Variants in MALRD1 observed in about 807,000 individuals in gnomAD.
MALRD1 encodes the protein MAM and LDL-receptor class A domain-containing protein 1.
In MALRD1, 247 loss-of-function variants were observed where a neutral mutation model predicts 242.1. The observed-to-expected ratio is 1.02, with a 90% confidence interval of 0.92 to 1.13. MALRD1 has a LOEUF of 1.13. Among genes scored for constraint, MALRD1 ranks in the 50% most tolerant of loss-of-function variants. The pLI is 0.00. For synonymous variants in MALRD1, 995 were observed against 866.6 expected, an observed-to-expected ratio of 1.15 and a Z score of -2.60; for missense variants, 2,989 against 2,533.1, an observed-to-expected ratio of 1.18 and a Z score of -3.86.
intron 29 of MALRD1, among the ~76,000 whole-genome samples, chr10:19,475,275 C>A (rs1257684731): frequency 6.6e-6 from 1 of 151,954 alleles, no homozygotes; most frequent in African/African-American, 2.4e-5. Context: ...ATTAGCCAGG[C>A]GTGGTGGTGG....
chr10:19,387,637 T>C lies in MALRD1; in HGVS notation c.4551T>C (p.Cys1517=). The C allele has an allele frequency of 6.4e-7, 1 of 1,550,402 alleles. No homozygotes were observed. Among genetic ancestry groups the C allele is most frequent in the Non-Finnish European group, 8.7e-7 (1 of 1,146,892 alleles). Reference sequence around the variant, plus strand: ...GAGATAATACTGATGAAAATGAGTGTGGTAGCTCCTGTACTTTTGAAAAAG... The same window carrying C: ...GAGATAATACTGATGAAAATGAGTGCGGTAGCTCCTGTACTTTTGAAAAAG... ...NCGDNTDENE[C]GSSCTFEKGW... is the part of the protein sequence containing the mutation. Residue 1517 remains cysteine, a synonymous_variant, in exon 27 of 40, where the codon TGT becomes TGC. Coordinates refer to ENST00000454679, the MANE Select transcript of MALRD1 (RefSeq NM_001142308.3).
At chr10:19,614,995 C>G (rs544880877) in intron 35 of MALRD1, among the ~76,000 whole-genome samples, 2 of 152,062 alleles carry the variant, frequency 1.3e-5, no homozygotes, top group Non-Finnish European at 2.9e-5. Flanking sequence ...GATACCCAAT[C>G]CAGGGGAGAA....
chr10:19,286,863 A>G (rs1162406298), intron 21 of MALRD1, among the ~76,000 whole-genome samples: 3 of 150,712 alleles, frequency 2.0e-5, no homozygotes, highest in Non-Finnish European at 4.4e-5. Context: ...CAGAGACACA[A>G]CCAAAAAAGA....
intron 38 of MALRD1, among the ~76,000 whole-genome samples, chr10:19,715,173 A>G (rs1167384581): frequency 6.6e-6 from 1 of 152,034 alleles, no homozygotes; most frequent in Non-Finnish European, 1.5e-5. Flanking sequence ...CCCTATACTG[A>G]CCATTCTCAA....
intron 26 of MALRD1, among the ~76,000 whole-genome samples, chr10:19,367,761 A>G (rs1454753569): frequency 1.3e-5 from 2 of 151,928 alleles, no homozygotes; most frequent in African/African-American, 2.4e-5. Context: ...CTGCATTCTC[A>G]CCAGTATTTA....
At chr10:19,430,167 T>A (rs1834068503) in intron 28 of MALRD1, among the ~76,000 whole-genome samples, 1 of 129,424 alleles carries the variant, frequency 7.7e-6, no homozygotes, top group South Asian at 2.6e-4. Flanking sequence ...CAGGCTGGAG[T>A]GCAGTGGCAC....
intron 36 of MALRD1, among the ~76,000 whole-genome samples, chr10:19,640,123 C>G (rs1840317298): frequency 6.6e-6 from 1 of 152,056 alleles, no homozygotes; most frequent in African/African-American, 2.4e-5. Context: ...GAGTTTCGCT[C>G]TTGTCACCCA....
chr10:19,506,614 A>G (rs1334881914), intron 31 of MALRD1, among the ~76,000 whole-genome samples: 1 of 152,164 alleles, frequency 6.6e-6, no homozygotes, highest in African/African-American at 2.4e-5. Flanking sequence ...ATACATGTAT[A>G]TATTCTAATT....
At chr10:19,369,763 TTGTC>T (rs1214892328) in intron 26 of MALRD1, among the ~76,000 whole-genome samples, 2 of 151,774 alleles carry the variant, frequency 1.3e-5, no homozygotes, top group East Asian at 3.9e-4. Context: ...AAGTATCTAT[TTGTC>T]TGATTAACAT....
intron 34 of MALRD1, among the ~76,000 whole-genome samples, chr10:19,596,399 T>C (rs534676964): frequency 6.6e-6 from 1 of 152,146 alleles, no homozygotes; most frequent in Non-Finnish European, 1.5e-5. Context: ...CTTTTTGGTA[T>C]AGTAAAAGGC....
chr10:19,238,337 A>ATG (rs1564492157), intron 18 of MALRD1, among the ~76,000 whole-genome samples: 4 of 71,694 alleles, frequency 5.6e-5, no homozygotes, highest in African/African-American at 2.4e-4. Context: ...ATTATACATA[A>ATG]TATATTATAC....
At chr10:19,373,579 G>A (rs191948083) in intron 26 of MALRD1, among the ~76,000 whole-genome samples, 19 of 151,676 alleles carry the variant, frequency 1.3e-4, no homozygotes, top group Admixed American at 2.0e-4. Flanking sequence ...AGAGAGGGAG[G>A]GATGGAAGAA....
intron 28 of MALRD1, among the ~76,000 whole-genome samples, chr10:19,426,809 A>G (rs1029496190): frequency 4.6e-5 from 7 of 152,152 alleles, no homozygotes; most frequent in Non-Finnish European, 8.8e-5. Context: ...AAACAAAAAC[A>G]TTCAGGCTTT....
At chr10:19,065,223 G>T (rs1246693993) in intron 1 of MALRD1, among the ~76,000 whole-genome samples, 1 of 143,544 alleles carries the variant, frequency 7.0e-6, no homozygotes, top group Admixed American at 7.1e-5. Flanking sequence ...GAAGGCAGAG[G>T]TTGTGGTGAG....
intron 5 of MALRD1, among the ~76,000 whole-genome samples, chr10:19,118,558 A>T (rs1046180682): frequency 6.6e-6 from 1 of 152,208 alleles, no homozygotes; most frequent in African/African-American, 2.4e-5. Context: ...GCTCGTAGAG[A>T]CCAAGGTTTT....
At chr10:19,415,414 C>T (rs954371033) in intron 28 of MALRD1, among the ~76,000 whole-genome samples, 3 of 152,030 alleles carry the variant, frequency 2.0e-5, no homozygotes, top group African/African-American at 7.2e-5. Flanking sequence ...AAGACATAAT[C>T]CCTCTAATTT....
At chr10:19,208,084 AT>A (rs5783658) in intron 17 of MALRD1, among the ~76,000 whole-genome samples, 72,763 of 149,136 alleles carry the variant, frequency 0.49, 18,154 homozygotes, top group South Asian at 0.72. Flanking sequence ...TCCATTTCAC[AT>A]TTTTTTTTTT....
At chr10:19,575,236 A>G (rs1305611332) in intron 33 of MALRD1, among the ~76,000 whole-genome samples, 1 of 152,214 alleles carries the variant, frequency 6.6e-6, no homozygotes, top group African/African-American at 2.4e-5. Flanking sequence ...AACTATTGGT[A>G]TAAGCAAGAC....
Position 19,148,807 on chromosome 10 carries a change from A to ATC in MALRD1, c.1558+2464_1558+2465insCT, listed in dbSNP as rs1396939886. 2.6e-3 allele frequency among the ~76,000 whole-genome samples: 379 copies of ATC among 145,282 alleles called. 1 individual carries two copies. The highest frequency in any genetic ancestry group is 9.0e-3 in the African/African-American group (357 of 39,596). On this transcript the variant is annotated intron_variant, in intron 11 of 39. Transcript: ENST00000454679. Reference sequence around the variant, plus strand: ...AAAAAAAATATATATATATATATATATATCTGGATCACGGAGTCAACATCT... The same window carrying ATC: ...AAAAAAAATATATATATATATATATATCTATCTGGATCACGGAGTCAACATCT...
Sources: allele counts gnomAD v4.1 joint callset (sites outside exome capture counted in the v4.1 genomes callset), GRCh38; gene constraint gnomAD v4.1.1; transcripts MANE v1.5; gene names NCBI Gene and HGNC (gene_info 2026-07-23, HGNC 2026-07-21).